TTC6: variants seen among roughly 807,000 people sequenced by gnomAD.
The protein encoded by TTC6 is tetratricopeptide repeat domain 6.
Under a neutral mutation model 210.4 loss-of-function variants are expected in TTC6, and 172 were observed. That is an observed-to-expected ratio of 0.82 (90% CI 0.72 to 0.93). TTC6 has a LOEUF of 0.93. Ranked by LOEUF, TTC6 falls within the 40% of genes least tolerant of loss-of-function variation. The pLI is 0.00. For missense variants in TTC6, 2,414 were observed against 2,318.1 expected, an observed-to-expected ratio of 1.04 and a Z score of -0.85; for synonymous variants, 804 against 819.6, an observed-to-expected ratio of 0.98 and a Z score of 0.32.
intron 27 of TTC6, among the ~76,000 whole-genome samples, chr14:37,824,670 A>G (rs534794806): frequency 4.6e-5 from 7 of 152,324 alleles, no homozygotes; most frequent in South Asian, 2.1e-4. Context: ...AAGTGCAACA[A>G]AGGAAAAGGA....
At chr14:37,745,298 A>G (rs2095932579) in intron 10 of TTC6, among the ~76,000 whole-genome samples, 1 of 152,206 alleles carries the variant, frequency 6.6e-6, no homozygotes, top group Non-Finnish European at 1.5e-5. Flanking sequence ...GTCACTTTCT[A>G]CAAGCTATCT....
intron 2 of TTC6, among the ~76,000 whole-genome samples, chr14:37,610,809 C>T (rs914783881): frequency 6.6e-6 from 1 of 152,180 alleles, no homozygotes; most frequent in Non-Finnish European, 1.5e-5. Flanking sequence ...AGTTTTTGAA[C>T]TTTGTGTGAT....
chr14:37,803,029 A>C (rs1304765484), intron 20 of TTC6, among the ~76,000 whole-genome samples: 1 of 152,096 alleles, frequency 6.6e-6, no homozygotes, highest in East Asian at 1.9e-4. Context: ...CACTGTGCCC[A>C]GCCTTCATTG....
chr14:37,596,661 G>T lies in TTC6; in HGVS notation c.-235+653G>T, dbSNP rs75800309. Among the ~76,000 whole-genome samples the T allele has an allele frequency of 4.9e-3, 743 of 152,332 alleles. 6 individuals carry two copies. The highest frequency in any genetic ancestry group is 0.016 in the African/African-American group (683 of 41,578). On this transcript the variant is annotated intron_variant, in intron 1 of 2. Coordinates refer to the TTC6 transcript ENST00000556845. ...AGCATGTGTGACTGTGTGTGTTTCT[G>T]AGTGTCTGTGACCATGTGTTTGTTG...
exon 1 of TTC6, chr14:37,622,773 C>T (rs977801584): frequency 6.5e-7 from 1 of 1,534,650 alleles, no homozygotes; most frequent in South Asian, 1.2e-5. Flanking sequence ...GAGCGGGGCC[C>T]GCGAGGCGCG....
intron 30 of TTC6, among the ~76,000 whole-genome samples, chr14:37,841,923 G>C (rs1478550244): frequency 6.6e-6 from 1 of 152,076 alleles, no homozygotes; most frequent in Non-Finnish European, 1.5e-5. Context: ...TTCAAAGAAA[G>C]ACATTGTACT....
intron 21 of TTC6, among the ~76,000 whole-genome samples, chr14:37,805,021 C>T (rs2096115216): frequency 1.3e-5 from 2 of 152,096 alleles, no homozygotes; most frequent in African/African-American, 4.8e-5. Flanking sequence ...GCTTGTTTGT[C>T]AACAATATTC....
chr14:37,723,247 A>G (rs932116085), intron 6 of TTC6, among the ~76,000 whole-genome samples: 4 of 152,088 alleles, frequency 2.6e-5, no homozygotes, highest in East Asian at 1.9e-4. Context: ...AGCCATTTCA[A>G]CAAGGAGCCC....
chr14:37,725,113 G>C (rs1418159771), intron 7 of TTC6, 111 bp downstream of exon 9: 2 of 541,998 alleles, frequency 3.7e-6, no homozygotes, highest in African/African-American at 3.9e-5. Flanking sequence ...TAAATTACCA[G>C]TTATTGCCAT....
intron 1 of TTC6, among the ~76,000 whole-genome samples, chr14:37,633,708 C>A (rs777738324): frequency 6.6e-6 from 1 of 152,200 alleles, no homozygotes; most frequent in African/African-American, 2.4e-5. Context: ...CTTTCAACAT[C>A]GTCCAGAAGT....
intron 6 of TTC6, among the ~76,000 whole-genome samples, chr14:37,721,849 TATATATA>T (rs2095862359): frequency 1.2e-4 from 1 of 8,384 alleles, no homozygotes; most frequent in Non-Finnish European, 4.3e-4. Flanking sequence ...AGTTTCACCA[TATATATA>T]TATATATATA....
At chr14:37,640,688 A>G (rs1229721804) in intron 1 of TTC6, among the ~76,000 whole-genome samples, 1 of 152,028 alleles carries the variant, frequency 6.6e-6, no homozygotes, top group East Asian at 1.9e-4. Flanking sequence ...GATTATAGGC[A>G]TGTGCCACCA....
chr14:37,796,472 T>G, intron 19 of TTC6, 102 bp downstream of exon 21: 1 of 543,986 alleles, frequency 1.8e-6, no homozygotes, highest in Non-Finnish European at 3.1e-6. Flanking sequence ...CAATTGAAAG[T>G]CAAATTAGAT....
intron 10 of TTC6, among the ~76,000 whole-genome samples, chr14:37,739,705 CAATTTGATG>C (rs2095913030): frequency 4.0e-5 from 6 of 151,046 alleles, no homozygotes; most frequent in Admixed American, 3.3e-4. Flanking sequence ...AAGACTAAAT[CAATTTGATG>C]GCTAACTGAA....
chr14:37,628,992 T>C (rs186212050), intron 1 of TTC6, among the ~76,000 whole-genome samples: 7 of 152,330 alleles, frequency 4.6e-5, no homozygotes, highest in Admixed American at 3.9e-4. Context: ...AGTACCATGC[T>C]GTTTTGGTTA....
intron 1 of TTC6, among the ~76,000 whole-genome samples, chr14:37,658,358 G>C (rs112192392): frequency 2.0e-5 from 3 of 152,162 alleles, no homozygotes; most frequent in Non-Finnish European, 4.4e-5. Flanking sequence ...CATTTTATGG[G>C]ATCAGGGTTT....
In TTC6 at chr14:37,812,297, C is replaced by G; in HGVS notation, c.4570-17C>G. ...GCTCTAAAAAGTTGAATCTATGTTACAAATGATTATTTTTAGGCATTAACA... is the reference window on the plus strand; with the variant it reads ...GCTCTAAAAAGTTGAATCTATGTTAGAAATGATTATTTTTAGGCATTAACA... On this transcript the variant is annotated splice_polypyrimidine_tract_variant and intron_variant, in intron 24 of 30. Transcript: ENST00000553443. 1 of 1,606,120 alleles carries G rather than the reference C, an allele frequency of 6.2e-7. No individual in the cohort carries two copies. Among genetic ancestry groups the G allele is most frequent in the Non-Finnish European group, 8.5e-7 (1 of 1,176,972 alleles).
intron 1 of TTC6, among the ~76,000 whole-genome samples, chr14:37,602,831 T>A (rs759321541): frequency 1.3e-5 from 2 of 151,986 alleles, no homozygotes; most frequent in Non-Finnish European, 2.9e-5. Flanking sequence ...CTGGTGTAGA[T>A]TTGTTTTCTT....
chr14:37,602,553 C>T (rs1039619914), intron 1 of TTC6, among the ~76,000 whole-genome samples: 2 of 152,164 alleles, frequency 1.3e-5, no homozygotes, highest in African/African-American at 4.8e-5. Flanking sequence ...CGAGAAGGCA[C>T]AAGGCTGTGC....
Sources: gnomAD v4.1 joint callset for allele counts (sites outside exome capture counted in the v4.1 genomes callset) on GRCh38, gnomAD v4.1.1 for gene constraint, MANE v1.5 for transcripts, NCBI Gene and HGNC (gene_info 2026-07-23, HGNC 2026-07-21) for gene names.